KCNMA1: variants seen among roughly 807,000 people sequenced by gnomAD.
The protein encoded by KCNMA1 is potassium calcium-activated channel subfamily M alpha 1, also known as Calcium-activated potassium channel subunit alpha-1.
In KCNMA1, 29 loss-of-function variants were observed where a neutral mutation model predicts 140.0. That is an observed-to-expected ratio of 0.21 (90% CI 0.15 to 0.28). The LOEUF (loss-of-function observed/expected upper bound fraction) is 0.28. Among genes scored for constraint, KCNMA1 ranks in the 10% least tolerant of loss-of-function variants. KCNMA1 has a pLI of 1.00. For synonymous variants in KCNMA1, 612 were observed against 611.9 expected, an observed-to-expected ratio of 1.00 and a Z score of 0.00; for missense variants, 880 against 1,602.2, an observed-to-expected ratio of 0.55 and a Z score of 7.70.
chr10:76,991,388 C>T (rs2082725680), intron 19 of KCNMA1, among the ~76,000 whole-genome samples: 2 of 152,208 alleles, frequency 1.3e-5, no homozygotes, highest in Admixed American at 6.5e-5. Context: ...ATTTATCCTT[C>T]ACAAAGAATA....
At chr10:77,522,543 C>T (rs374050012) in intron 1 of KCNMA1, among the ~76,000 whole-genome samples, 1 of 152,208 alleles carries the variant, frequency 6.6e-6, no homozygotes, top group Non-Finnish European at 1.5e-5. Flanking sequence ...CTGCTCCTAG[C>T]AACAGCCCCT....
At chr10:77,012,243 G>C (rs1449296811) in intron 17 of KCNMA1, 200 bp from the exon 18 acceptor site, 2 of 1,466,686 alleles carry the variant, frequency 1.4e-6, no homozygotes, top group Non-Finnish European at 1.8e-6. Flanking sequence ...TCTGTGATTT[G>C]AGTTAGTGCT....
intron 1 of KCNMA1, chr10:77,636,281 G>A (rs1450480379): frequency 1.4e-6 from 2 of 1,460,310 alleles, no homozygotes; most frequent in Non-Finnish European, 1.8e-6. Flanking sequence ...GTGGGGAAGG[G>A]AAGACATCTC....
At chr10:77,100,185 G>C (rs1374171164) in intron 9 of KCNMA1, among the ~76,000 whole-genome samples, 3 of 152,202 alleles carry the variant, frequency 2.0e-5, no homozygotes, top group Non-Finnish European at 4.4e-5. Flanking sequence ...TTTACCCACA[G>C]CACATGGTGG....
chr10:76,944,161 G>T (rs1490528345), intron 23 of KCNMA1, among the ~76,000 whole-genome samples: 1 of 152,152 alleles, frequency 6.6e-6, no homozygotes, highest in Non-Finnish European at 1.5e-5. Context: ...GTAACCACCT[G>T]CCCAGGGTCC....
chr10:77,061,913 A>G (rs2095766626), intron 14 of KCNMA1, among the ~76,000 whole-genome samples: 1 of 152,202 alleles, frequency 6.6e-6, no homozygotes, highest in Non-Finnish European at 1.5e-5. Flanking sequence ...AAAAGGTTAC[A>G]TGCTCCATGA....
chr10:77,159,741 C>T (rs1028255878), intron 5 of KCNMA1, among the ~76,000 whole-genome samples: 1 of 152,142 alleles, frequency 6.6e-6, no homozygotes, highest in African/African-American at 2.4e-5. Flanking sequence ...TTTGGAAAGT[C>T]TTCCCTGGGA....
intron 1 of KCNMA1, among the ~76,000 whole-genome samples, chr10:77,591,596 C>T (rs2079176914): frequency 6.6e-6 from 1 of 152,164 alleles, no homozygotes; most frequent in Non-Finnish European, 1.5e-5. Context: ...TTAATAATGT[C>T]CTCCTAGTGA....
chr10:76,940,863 A>C (rs1470408888), intron 23 of KCNMA1, among the ~76,000 whole-genome samples: 1 of 151,236 alleles, frequency 6.6e-6, no homozygotes, highest in Non-Finnish European at 1.5e-5. Flanking sequence ...TGGGAGGCTG[A>C]GGCAGGAGAA....
At position 77,627,968 on chromosome 10, in the gene KCNMA1, T is replaced by C. The variant is rs372489897; in HGVS notation, c.378+9297A>G. Among the ~76,000 whole-genome samples, 54 of 152,242 alleles carry C rather than the reference T, an allele frequency of 3.5e-4. 2 individuals are homozygous for C. Among genetic ancestry groups the C allele is most frequent in the African/African-American group, 1.3e-3 (53 of 41,550 alleles). ...GGTCGCTATTTGTTGTCTACTAATC[T>C]ACAAACCTGAAGCCCCCAGCCAGCA... On this transcript the variant is annotated intron_variant, in intron 1 of 27. Coordinates refer to ENST00000286628, the MANE Select transcript of KCNMA1 (RefSeq NM_001161352.2).
At chr10:76,876,399 AAC>A (rs1461837750), downstream of KCNMA1, 6 of 152,632 alleles carry the variant, frequency 3.9e-5, no homozygotes, top group Non-Finnish European at 8.8e-5. Flanking sequence ...ATTGGAACAA[AAC>A]AGTTGCCGGG....
intron 2 of KCNMA1, among the ~76,000 whole-genome samples, chr10:77,363,249 C>T (rs902683314): frequency 2.6e-5 from 4 of 152,150 alleles, no homozygotes; most frequent in African/African-American, 4.8e-5. Context: ...CCAGTTCAGG[C>T]CACAGAGCTG....
chr10:77,224,928 C>T (rs912295142), intron 3 of KCNMA1, among the ~76,000 whole-genome samples: 10 of 152,182 alleles, frequency 6.6e-5, no homozygotes, highest in Admixed American at 1.3e-4. Flanking sequence ...TTGTTGGCGC[C>T]GCTGCTCCCA....
intron 2 of KCNMA1, among the ~76,000 whole-genome samples, chr10:77,264,061 G>A (rs1264202077): frequency 1.3e-5 from 2 of 152,118 alleles, no homozygotes; most frequent in East Asian, 3.9e-4. Context: ...CATCCCTCAT[G>A]CTCAATAAAT....
intron 16 of KCNMA1, chr10:77,020,970 G>A (rs1274576974): frequency 1.3e-5 from 2 of 152,008 alleles, no homozygotes; most frequent in Non-Finnish European, 2.9e-5. Context: ...GAGAGATGAT[G>A]TATAGAAGGC....
intron 14 of KCNMA1, among the ~76,000 whole-genome samples, chr10:77,068,928 C>A (rs1276824238): frequency 6.6e-6 from 1 of 150,494 alleles, no homozygotes; most frequent in African/African-American, 2.4e-5. Context: ...GACAGCTAAT[C>A]CTAGTAAGAA....
At chr10:77,540,599 G>T (rs1050419977) in intron 1 of KCNMA1, among the ~76,000 whole-genome samples, 7 of 152,212 alleles carry the variant, frequency 4.6e-5, no homozygotes, top group Non-Finnish European at 1.5e-5. Flanking sequence ...TTTAATGACT[G>T]TCAGGCATTG....
At chr10:77,170,481 TCCCTGGGAGAAGGTCAGAGGTGAGGCTCC>T (rs2098692596) in intron 5 of KCNMA1, among the ~76,000 whole-genome samples, 1 of 61,900 alleles carries the variant, frequency 1.6e-5, no homozygotes, top group Non-Finnish European at 3.1e-5. Context: ...TGAGGCTCCA[TCCCTGGGAGAAGGTCAGAGGTGAGGCTCC>T]ATCCCTGGGA....
At chr10:76,982,701 A>G (rs1217563154) in intron 19 of KCNMA1, among the ~76,000 whole-genome samples, 1 of 152,138 alleles carries the variant, frequency 6.6e-6, no homozygotes, top group Admixed American at 6.5e-5. Flanking sequence ...AGCCTCTGGG[A>G]AAGCTATTTT....
Sources: gnomAD v4.1 joint callset for allele counts (sites outside exome capture counted in the v4.1 genomes callset) on GRCh38, gnomAD v4.1.1 for gene constraint, MANE v1.5 for transcripts, NCBI Gene and HGNC (gene_info 2026-07-23, HGNC 2026-07-21) for gene names.